Variants in CNNM2 observed in about 807,000 individuals in gnomAD.
CNNM2 encodes the protein metal transporter CNNM2.
Under a neutral mutation model 66.9 loss-of-function variants are expected in CNNM2, and 12 were observed. That is an observed-to-expected ratio of 0.18 (90% CI 0.11 to 0.29). CNNM2 has a LOEUF of 0.29. Among genes scored for constraint, CNNM2 ranks in the 10% least tolerant of loss-of-function variants. The pLI is 1.00. For synonymous variants in CNNM2, 557 were observed against 501.8 expected, an observed-to-expected ratio of 1.11 and a Z score of -1.47; for missense variants, 705 against 1,167.7, an observed-to-expected ratio of 0.60 and a Z score of 5.77.
chr10:102,943,863 A>T (rs958060950), intron 1 of CNNM2, among the ~76,000 whole-genome samples: 1 of 152,182 alleles, frequency 6.6e-6, no homozygotes, highest in African/African-American at 2.4e-5. Context: ...CATCCTAAAG[A>T]GTACTTAGTT....
rs115856678 is a variant in CNNM2, at chr10:103,014,386, C to A, written c.1622-35321C>A. On this transcript the variant is annotated intron_variant, in intron 1 of 7. Coordinates refer to ENST00000369878, the MANE Select transcript of CNNM2 (RefSeq NM_017649.5). ...GGTGCTTTGTATATATTAACTCAGTCCTCACAAGGGTCTTGATGTAGGTAT... is the reference window on the plus strand; with the variant it reads ...GGTGCTTTGTATATATTAACTCAGTACTCACAAGGGTCTTGATGTAGGTAT... Among the ~76,000 whole-genome samples, 973 of 152,226 alleles carry A rather than the reference C, an allele frequency of 6.4e-3. 15 individuals carry two copies. The highest frequency in any genetic ancestry group is 0.022 in the African/African-American group (919 of 41,534).
intron 5 of CNNM2, among the ~76,000 whole-genome samples, chr10:103,069,690 G>C (rs1052003932): frequency 2.6e-5 from 4 of 152,200 alleles, no homozygotes; most frequent in Non-Finnish European, 4.4e-5. Flanking sequence ...ATACCTGGTG[G>C]CTTGCTGGCC....
Position 103,009,980 on chromosome 10 carries a change from A to G in CNNM2, c.1622-39727A>G, listed in dbSNP as rs535181667. On this transcript the variant is annotated intron_variant, in intron 1 of 7. Coordinates refer to ENST00000369878, the MANE Select transcript of CNNM2 (RefSeq NM_017649.5). ...CAATTAGAGACAAAAATTGCGAAGA[A>G]CGTATTAAACTTCACTAATACAGAT... 1.9e-3 allele frequency among the ~76,000 whole-genome samples: 293 copies of G among 152,196 alleles called. 7 individuals are homozygous for G. The highest frequency in any genetic ancestry group is 0.01 in the Middle Eastern group (3 of 292).
At position 102,934,279 on chromosome 10, in the gene CNNM2, C is replaced by T. The variant is rs1163564; in HGVS notation, c.1621+14178C>T. On this transcript the variant is annotated intron_variant, in intron 1 of 7. Coordinates refer to ENST00000369878, the MANE Select transcript of CNNM2 (RefSeq NM_017649.5). ...AGTCTATTTCTTTCTTTCTTTCTTT[C>T]TTTTTTTTTTTTTGAGACAGAGCCT... Among the ~76,000 whole-genome samples, 111,951 of 133,276 alleles carry T rather than the reference C, an allele frequency of 0.84. 47,490 individuals carry two copies. Among genetic ancestry groups the T allele is most frequent in the African/African-American group, 0.94 (33,369 of 35,320 alleles). The allele number at this position is 133,276 out of a possible 152,430, so 87.4% of individuals were successfully genotyped here.
intron 1 of CNNM2, among the ~76,000 whole-genome samples, chr10:102,956,719 C>G (rs1847053212): frequency 6.6e-6 from 1 of 151,702 alleles, no homozygotes; most frequent in Non-Finnish European, 1.5e-5. Context: ...CTATCACAAG[C>G]ACAGAAAACC....
At chr10:103,019,192 C>T (rs1436097817) in intron 1 of CNNM2, among the ~76,000 whole-genome samples, 1 of 150,086 alleles carries the variant, frequency 6.7e-6, no homozygotes, top group East Asian at 2.0e-4. Flanking sequence ...TCACCTGAGC[C>T]AGGGAGGTTG....
At chr10:102,946,002 C>T (rs1461166894) in intron 1 of CNNM2, among the ~76,000 whole-genome samples, 5 of 152,030 alleles carry the variant, frequency 3.3e-5, no homozygotes, top group East Asian at 1.9e-4. Flanking sequence ...CAGACCTCCA[C>T]GTCTCTCCAG....
At chr10:102,982,764 A>C (rs1160854254) in intron 1 of CNNM2, among the ~76,000 whole-genome samples, 1 of 152,212 alleles carries the variant, frequency 6.6e-6, no homozygotes, top group Non-Finnish European at 1.5e-5. Context: ...GGATGACGAT[A>C]CTCATTGTTA....
chr10:103,067,015 C>T (rs1320220158), intron 4 of CNNM2, among the ~76,000 whole-genome samples: 1 of 152,056 alleles, frequency 6.6e-6, no homozygotes, highest in Non-Finnish European at 1.5e-5. Context: ...TAGTTCTTCT[C>T]CTGAAGCTAT....
chr10:102,954,592 A>G (rs564627327), intron 1 of CNNM2, among the ~76,000 whole-genome samples: 144 of 152,274 alleles, frequency 9.5e-4, no homozygotes, highest in Non-Finnish European at 1.7e-3. Context: ...GCATTTGTGG[A>G]CAATGCAAAG....
chr10:103,075,578 A>G (rs1031471708), intron 6 of CNNM2, among the ~76,000 whole-genome samples: 6 of 152,216 alleles, frequency 3.9e-5, no homozygotes, highest in Admixed American at 1.3e-4. Flanking sequence ...AGAGACGAAG[A>G]TAATAGGTTC....
intron 1 of CNNM2, among the ~76,000 whole-genome samples, chr10:102,928,743 T>G (rs553335904): frequency 1.2e-4 from 18 of 152,178 alleles, no homozygotes; most frequent in Admixed American, 8.5e-4. Context: ...CTCCAGCACT[T>G]GTATGAGGCG....
At position 102,959,908 on chromosome 10, in the gene CNNM2, C is replaced by T. The variant is rs553521881; in HGVS notation, c.1621+39807C>T. ...TCTACTAAAAATACAAAAAATTAGC[C>T]GGGCATGGTGGCAGGCACCTGTAGT... is the stretch of plus-strand genomic sequence containing the variant. On this transcript the variant is annotated intron_variant, in intron 1 of 7. Coordinates refer to ENST00000369878, the MANE Select transcript of CNNM2 (RefSeq NM_017649.5). Among the ~76,000 whole-genome samples, 13 of 151,944 alleles carry T rather than the reference C, an allele frequency of 8.6e-5. No individual in the cohort carries two copies. The South Asian group carries it at 1.3e-3, about 15-fold the overall frequency.
rs1269330294 is a variant in CNNM2 at position 103,082,407 on chromosome 10, T to G, written c.*5227T>G. 1 of 152,230 alleles carries G rather than the reference T, an allele frequency of 6.6e-6. No homozygotes were observed. Among genetic ancestry groups the G allele is most frequent in the Non-Finnish European group, 1.5e-5 (1 of 68,052 alleles). 9.4% of individuals were successfully genotyped at this position (152,230 alleles called of 1,614,324 possible). On this transcript the variant is annotated 3_prime_UTR_variant, in exon 8 of 8. Coordinates refer to ENST00000369878, the MANE Select transcript of CNNM2 (RefSeq NM_017649.5). ...AGTTGGGAAGAATGAGGTCTTAGGATTCTCATTCCCCAGAGAGCCCCAGCC... is the reference window on the plus strand; with the variant it reads ...AGTTGGGAAGAATGAGGTCTTAGGAGTCTCATTCCCCAGAGAGCCCCAGCC...
chr10:102,920,700 C>CA lies in CNNM2; in HGVS notation c.1621+607dup, dbSNP rs35431242. 2.0e-4 allele frequency among the ~76,000 whole-genome samples: 31 copies of CA among 151,560 alleles called. No homozygotes were observed. In the East Asian group the frequency reaches 3.3e-3, roughly 16 times the overall value. ...AGGGGTGGGGTAAACTAAGTATCGC[C>CA]AAAAAAAATCACCCATTTTGGATGT... On this transcript the variant is annotated intron_variant, in intron 1 of 7. Coordinates refer to ENST00000369878, the MANE Select transcript of CNNM2 (RefSeq NM_017649.5).
intron 4 of CNNM2, among the ~76,000 whole-genome samples, chr10:103,060,874 CAAAAT>C (rs1354564239): frequency 2.0e-5 from 3 of 151,796 alleles, no homozygotes; most frequent in Non-Finnish European, 4.4e-5. Context: ...GAGCTAATGA[CAAAAT>C]AAAAGTCCTA....
In CNNM2 at chr10:103,088,128, G is replaced by T. The variant is rs143048391; in HGVS notation, c.*10948G>T. The stretch of plus-strand genomic sequence containing the variant: ...TTGAAGACCAATAGCTATTACAGTT[G>T]TACTACAGAATAGGTCAAAGTCACC... On this transcript the variant is annotated 3_prime_UTR_variant, in exon 8 of 8. Coordinates refer to ENST00000369878, the MANE Select transcript of CNNM2 (RefSeq NM_017649.5). 3.0e-3 allele frequency: 461 copies of T among 152,264 alleles called. 3 individuals are homozygous for T. The highest frequency in any genetic ancestry group is 0.011 in the African/African-American group (443 of 41,560). 9.4% of individuals were successfully genotyped at this position (152,264 alleles called of 1,614,324 possible). A position where few individuals can be genotyped will look rare whatever the true frequency, so the allele number is the denominator to read the frequency against.
At chr10:103,052,307 CAA>C (rs1456442022) in intron 2 of CNNM2, among the ~76,000 whole-genome samples, 1 of 151,300 alleles carries the variant, frequency 6.6e-6, no homozygotes, top group Non-Finnish European at 1.5e-5. Context: ...AAAAAAAACC[CAA>C]ACCGAGTGTG....
intron 1 of CNNM2, among the ~76,000 whole-genome samples, chr10:102,964,481 G>A (rs1294235432): frequency 2.0e-5 from 3 of 152,198 alleles, no homozygotes; most frequent in South Asian, 2.1e-4. Flanking sequence ...CACCCGCTTC[G>A]GCCTCCGAAA....
Sources: allele counts gnomAD v4.1 joint callset (sites outside exome capture counted in the v4.1 genomes callset), GRCh38; gene constraint gnomAD v4.1.1; transcripts MANE v1.5; gene names NCBI Gene and HGNC (gene_info 2026-07-23, HGNC 2026-07-21).